The following PRKN variants were observed in gnomAD, a reference collection of about 807,000 sequenced individuals.
PRKN encodes the protein parkin RBR E3 ubiquitin protein ligase.
PRKN carries 56 observed loss-of-function variants against 59.5 expected under a neutral mutation model. The ratio of observed to expected loss-of-function variants is 0.94; its 90% CI spans 0.76 to 1.18. The LOEUF is 1.18. Among genes scored for constraint, PRKN ranks in the 50% most tolerant of loss-of-function variants. The pLI is 0.00. For synonymous variants in PRKN, 250 were observed against 222.1 expected, an observed-to-expected ratio of 1.13 and a Z score of -1.12; for missense variants, 657 against 596.4, an observed-to-expected ratio of 1.10 and a Z score of -1.06.
intron 4 of PRKN, among the ~76,000 whole-genome samples, chr6:162,200,026 C>T (rs1480391629): frequency 1.3e-5 from 2 of 152,138 alleles, no homozygotes; most frequent in African/African-American, 4.8e-5. Context: ...TCCTCAATAG[C>T]GTTTGACACA....
intron 5 of PRKN, among the ~76,000 whole-genome samples, chr6:161,982,323 T>C (rs1274038366): frequency 2.4e-5 from 3 of 125,046 alleles, no homozygotes; most frequent in Admixed American, 7.7e-5. Flanking sequence ...AAAATGGCCA[T>C]ACTGCCCAAG....
At chr6:162,307,343 T>C (rs1346471190) in intron 2 of PRKN, among the ~76,000 whole-genome samples, 1 of 148,642 alleles carries the variant, frequency 6.7e-6, no homozygotes, top group South Asian at 2.1e-4. Context: ...GAGGTTGCAG[T>C]GAACTGAGAC....
intron 2 of PRKN, among the ~76,000 whole-genome samples, chr6:162,312,363 AT>A (rs2128118449): frequency 6.6e-6 from 1 of 151,824 alleles, no homozygotes; most frequent in East Asian, 1.9e-4. Context: ...GCTTCTGTTC[AT>A]TTCTCCAACC....
chr6:162,435,284 G>T (rs972643495), intron 2 of PRKN, among the ~76,000 whole-genome samples: 1 of 152,108 alleles, frequency 6.6e-6, no homozygotes, highest in Non-Finnish European at 1.5e-5. Context: ...TATGAGATGA[G>T]AGCCTATTAA....
chr6:162,367,070 G>A (rs1427755313), intron 2 of PRKN, among the ~76,000 whole-genome samples: 1 of 152,084 alleles, frequency 6.6e-6, no homozygotes, highest in African/African-American at 2.4e-5. Context: ...GTGGGAGGTA[G>A]TTGAATCCTG....
At chr6:161,750,112 T>C (rs898073805) in intron 7 of PRKN, among the ~76,000 whole-genome samples, 6,990 of 103,968 alleles carry the variant, frequency 0.067, 550 homozygotes, top group African/African-American at 0.22. Context: ...TATATATATA[T>C]ATATATACAC....
At chr6:161,374,750 T>A (rs1270926392) in intron 10 of PRKN, among the ~76,000 whole-genome samples, 1 of 151,992 alleles carries the variant, frequency 6.6e-6, no homozygotes, top group Non-Finnish European at 1.5e-5. Context: ...TGTGTGTGTG[T>A]GTGTGGTGTG....
At chr6:162,382,092 T>C (rs966316013) in intron 2 of PRKN, among the ~76,000 whole-genome samples, 1 of 152,174 alleles carries the variant, frequency 6.6e-6, no homozygotes. Flanking sequence ...TAATTAAAAC[T>C]AGATTTTTAT....
intron 9 of PRKN, among the ~76,000 whole-genome samples, chr6:161,532,273 G>T (rs1281155402): frequency 1.3e-5 from 2 of 151,500 alleles, no homozygotes; most frequent in East Asian, 3.9e-4. Flanking sequence ...AAAACTAACT[G>T]GATTAAAATT....
intron 2 of PRKN, among the ~76,000 whole-genome samples, chr6:162,418,613 A>AGTGTGTGTGTGTGTTTGTGT: frequency 7.9e-6 from 1 of 126,324 alleles, no homozygotes; most frequent in East Asian, 2.8e-4. Context: ...AGGGACAGAC[A>AGTGTGTGTGTGTGTTTGTGT]GTGTGTGTGT....
intron 5 of PRKN, among the ~76,000 whole-genome samples, chr6:161,975,044 T>C (rs1466543195): frequency 2.0e-5 from 3 of 152,110 alleles, no homozygotes; most frequent in African/African-American, 7.2e-5. Context: ...ATATTTGTAT[T>C]CTAACAGTGA....
chr6:162,452,526 ATGAAGAAACTAAGAAGT>A (rs1400791271), intron 1 of PRKN, among the ~76,000 whole-genome samples: 12 of 152,166 alleles, frequency 7.9e-5, no homozygotes, highest in Non-Finnish European at 1.5e-4. Context: ...AATATTAACA[ATGAAGAAACTAAGAAGT>A]TAAGGACAGA....
chr6:161,670,812 C>T (rs1784881277), intron 7 of PRKN, among the ~76,000 whole-genome samples: 1 of 112,360 alleles, frequency 8.9e-6, no homozygotes, highest in Non-Finnish European at 2.0e-5. Flanking sequence ...GAGACTCTGT[C>T]TCAAAAACAA....
rs532098851 is a variant in PRKN at position 161,913,150 on chromosome 6, C to G, written c.734+60152G>C. On this transcript the variant is annotated intron_variant, in intron 6 of 11. Transcript: ENST00000366898. ...CCACTGCACTCCAGCCTGGGCAACA[C>G]GAGCAAAACTCCATCTCAGGAAAAA... is the stretch of plus-strand genomic sequence containing the variant. 6.8e-5 allele frequency among the ~76,000 whole-genome samples: 9 copies of G among 132,620 alleles called. No homozygotes were observed. In the East Asian group the frequency reaches 1.3e-3, roughly 19 times the overall value. The allele number at this position is 132,620 out of a possible 152,430, so 87.0% of individuals were successfully genotyped here.
intron 6 of PRKN, among the ~76,000 whole-genome samples, chr6:161,965,064 A>T (rs1784593): frequency 0.49 from 74,122 of 151,800 alleles, 18,358 homozygotes; most frequent in Middle Eastern, 0.59. Context: ...AATGAATGAA[A>T]GCATACCAAA....
chr6:161,350,003 CGTGT>C lies in PRKN; in HGVS notation c.*92_*95del, dbSNP rs949516613. On this transcript the variant is annotated 3_prime_UTR_variant, in exon 12 of 12. Transcript: ENST00000366898. The stretch of plus-strand genomic sequence containing the variant: ...TGAAGAGTGTGTGTGCGCGCGCGCG[CGTGT>C]GTGTGTGTGTTTGAAAAGAGAATTA... 34 of 788,682 alleles carry C rather than the reference CGTGT, an allele frequency of 4.3e-5. No individual in the cohort carries two copies. Among genetic ancestry groups the C allele is most frequent in the South Asian group, 3.1e-4 (21 of 67,978 alleles). The allele number at this position is 788,682 out of a possible 1,614,324, so 48.9% of individuals were successfully genotyped here. A position where few individuals can be genotyped will look rare whatever the true frequency, so the allele number is the denominator to read the frequency against.
At chr6:161,643,973 G>A (rs1227274485) in intron 7 of PRKN, among the ~76,000 whole-genome samples, 3 of 29,478 alleles carry the variant, frequency 1.0e-4, no homozygotes, top group Non-Finnish European at 1.8e-4. Flanking sequence ...TATCTTGGTG[G>A]GGGGGGCCAC....
At position 161,356,069 on chromosome 6, in the gene PRKN, G is replaced by A. The variant is rs1313251834; in HGVS notation, c.1285+4019C>T. ...TGGTCCTGAATTTCGTTAGTGGGTT[G>A]GGTATTATGACCAACCAGTAGTCAT... On this transcript the variant is annotated intron_variant, in intron 11 of 11. Coordinates refer to ENST00000366898, the MANE Select transcript of PRKN (RefSeq NM_004562.3). This position sits in a 1 kb window ranked among gnomAD's most constrained non-coding sequence, Gnocchi z 7.8. Among the ~76,000 whole-genome samples, 1 of 152,208 alleles carries A rather than the reference G, an allele frequency of 6.6e-6. No homozygotes were observed. Among genetic ancestry groups the A allele is most frequent in the Non-Finnish European group, 1.5e-5 (1 of 68,040 alleles).
At chr6:161,606,053 G>A (rs1782269858) in intron 7 of PRKN, among the ~76,000 whole-genome samples, 1 of 152,156 alleles carries the variant, frequency 6.6e-6, no homozygotes, top group African/African-American at 2.4e-5. Context: ...AATGCAGAAG[G>A]TTTTGTATGT....
Sources: gnomAD v4.1 joint callset for allele counts (sites outside exome capture counted in the v4.1 genomes callset) on GRCh38, gnomAD v4.1.1 for gene constraint, Gnocchi (gnomAD v3.1) non-coding constraint, MANE v1.5 for transcripts, NCBI Gene and HGNC (gene_info 2026-07-23, HGNC 2026-07-21) for gene names.